Variants in PALB2 observed in about 807,000 individuals in gnomAD.
PALB2 encodes mutant partner and localizer of BRCA2.
Under a neutral mutation model 107.4 loss-of-function variants are expected in PALB2, and 82 were observed. The ratio of observed to expected loss-of-function variants is 0.76; its 90% CI spans 0.64 to 0.92. The LOEUF is 0.92. Ranked by LOEUF, PALB2 falls within the 40% of genes least tolerant of loss-of-function variation. The probability of loss-of-function intolerance (pLI) is 0.00; values close to 1 mark genes in which losing one functional copy is unlikely to be tolerated. For missense variants in PALB2, 1,374 were observed against 1,379.9 expected (o/e 1.00, Z 0.07); for synonymous variants, 489 against 496.8 (o/e 0.98, Z 0.21).
rs1289027047 is a variant in PALB2 at position 23,635,735 on chromosome 16, T to C, written c.811A>G (p.Ser271Gly). The change falls in exon 4 of 13, where the codon AGT becomes GGT. Residue 271 changes from serine to glycine, a missense_variant. Ser to Gly is a moderately conservative substitution (Grantham distance 56, BLOSUM62 0). Coordinates refer to ENST00000261584, the MANE Select transcript of PALB2 (RefSeq NM_024675.4). Reference protein sequence around the residue: ...HLEHIPPKGSSELTTHDLKNI... With the variant: ...HLEHIPPKGSGELTTHDLKNI... ...TTTAGGTCGTGAGTAGTAAGTTCAC[T>C]GCTACCTTTAGGAGGAATGTGTTCA... The C allele has an allele frequency of 6.2e-7, 1 of 1,614,218 alleles. No individual in the cohort carries two copies. Among genetic ancestry groups the C allele is most frequent in the South Asian group, 1.1e-5 (1 of 91,090 alleles).
chr16:23,629,947 G>A lies in PALB2; in HGVS notation c.2207C>T (p.Ala736Val), dbSNP rs746056001. Residue 736 changes from alanine to valine, a missense_variant, in exon 5 of 13, where the codon GCC (alanine) becomes GTC (valine). Transcript: ENST00000261584. ...TTCATAGGAGCCTTGAGGGCCAAAGGCTGGAGTAGTACCTAAGATGGGGAA... is the reference window on the plus strand; with the variant it reads ...TTCATAGGAGCCTTGAGGGCCAAAGACTGGAGTAGTACCTAAGATGGGGAA... ...PAFPILGTTP[A>V]FGPQGSYEKA... is the part of the protein sequence containing the mutation. The A allele has an allele frequency of 2.5e-6, 4 of 1,614,088 alleles. No homozygotes were observed. In the Admixed American group the frequency reaches 6.7e-5, roughly 27 times the overall value.
intron 10 of PALB2, among the ~76,000 whole-genome samples, chr16:23,614,386 C>T (rs1201616271): frequency 2.0e-5 from 3 of 152,112 alleles, no homozygotes; most frequent in Non-Finnish European, 4.4e-5. Context: ...TGAAATCAGG[C>T]ACATGGTATA....
At position 23,603,710 on chromosome 16, in the gene PALB2, C is replaced by T. The variant is rs372107434; in HGVS notation, c.3351-41G>A. 2.6e-4 allele frequency: 376 copies of T among 1,463,412 alleles called. 3 individuals are homozygous for T. The South Asian group carries it at 3.5e-3, about 14-fold the overall frequency. The allele number at this position is 1,463,412 out of a possible 1,614,324, so 90.7% of individuals were successfully genotyped here. On this transcript the variant is annotated intron_variant, in intron 12 of 12. Transcript: ENST00000261584. The stretch of plus-strand genomic sequence containing the variant: ...GAAGATATAATTCAGATTACATATC[C>T]AAAAAACAATTAAAAAAAAAAAAAA...
At position 23,611,125 on chromosome 16, in the gene PALB2, A is replaced by T. The variant is rs202101642; in HGVS notation, c.3201+2879T>A. 4.2e-3 allele frequency among the ~76,000 whole-genome samples: 496 copies of T among 117,582 alleles called. 5 individuals are homozygous for T. Among genetic ancestry groups the T allele is most frequent in the African/African-American group, 0.013 (424 of 31,772 alleles). 77.1% of individuals were successfully genotyped at this position (117,582 alleles called of 152,430 possible). On this transcript the variant is annotated intron_variant, in intron 11 of 12. Coordinates refer to ENST00000261584, the MANE Select transcript of PALB2 (RefSeq NM_024675.4). ...CTATCTATCTATCTATCTATCTATCAATCTATCTATTCGTTGTTGTTGTTG... is the reference window on the plus strand; with the variant it reads ...CTATCTATCTATCTATCTATCTATCTATCTATCTATTCGTTGTTGTTGTTG...
intron 4 of PALB2, among the ~76,000 whole-genome samples, chr16:23,633,834 G>A (rs1966917265): frequency 6.6e-6 from 1 of 152,022 alleles, no homozygotes; most frequent in Non-Finnish European, 1.5e-5. Context: ...CTCTCAAGTA[G>A]CTGAAACCAC....
At position 23,623,173 on chromosome 16, in the gene PALB2, C is replaced by T. The variant is rs770428723; in HGVS notation, c.2835-43G>A. 5 of 1,486,694 alleles carry T rather than the reference C, an allele frequency of 3.4e-6. 1 individual carries two copies. In the South Asian group the frequency reaches 5.7e-5, roughly 17 times the overall value. The allele number at this position is 1,486,694 out of a possible 1,614,324, so 92.1% of individuals were successfully genotyped here. A position where few individuals can be genotyped will look rare whatever the true frequency, so the allele number is the denominator to read the frequency against. ...AAAAATGGGGTGATGTGAGGAGTAA[C>T]CTTTTAATATTAAAGGACTAGGTTC... On this transcript the variant is annotated intron_variant, in intron 8 of 12. Transcript: ENST00000261584.
At chr16:23,607,139 G>T in intron 12 of PALB2, among the ~76,000 whole-genome samples, 1 of 152,178 alleles carries the variant, frequency 6.6e-6, no homozygotes, top group East Asian at 1.9e-4. Context: ...AATATAAACT[G>T]CCTGCATGAT....
At position 23,641,135 on chromosome 16, in the gene PALB2, G is replaced by T; in HGVS notation, c.23C>A (p.Pro8His). 1 of 1,613,460 alleles carries T rather than the reference G, an allele frequency of 6.2e-7. No individual in the cohort carries two copies. The highest frequency in any genetic ancestry group is 8.5e-7 in the Non-Finnish European group (1 of 1,179,872). MDEPPGK[P>H]LSCEEKEKLK... The stretch of plus-strand genomic sequence containing the variant: ...CTTTTCCTTCTCCTCACAGCTGAGG[G>T]GCTTCCCGGGAGGCTCGTCCATCGG... The change falls in exon 1 of 13, where the codon CCC (proline) becomes CAC (histidine). Residue 8 changes from proline (P) to histidine (H), a missense_variant. Pro to His is a moderately conservative substitution (Grantham distance 77). Transcript: ENST00000261584.
intron 12 of PALB2, among the ~76,000 whole-genome samples, chr16:23,605,049 G>C (rs1966443829): frequency 1.3e-5 from 2 of 152,116 alleles, no homozygotes; most frequent in Non-Finnish European, 2.9e-5. Flanking sequence ...ACTCCAGCCT[G>C]GGCAACAGAG....
Position 23,603,546 on chromosome 16 carries a change from A to C in PALB2, c.3474T>G (p.His1158Gln). The change falls in exon 13 of 13, where the codon CAT becomes CAG. Residue 1158 changes from histidine to glutamine, a missense_variant. Transcript: ENST00000261584. Reference sequence around the variant, plus strand: ...TACCCGACCATTTCACAAAAGACCAATGTTGGTCAGAGACAGGTGGGAGGA... The same window carrying C: ...TACCCGACCATTTCACAAAAGACCACTGTTGGTCAGAGACAGGTGGGAGGA... Reference protein sequence around the residue: ...TALLPPVSDQHWSFVKWSGTD... With the variant: ...TALLPPVSDQQWSFVKWSGTD... 2 of 1,614,130 alleles carry C rather than the reference A, an allele frequency of 1.2e-6. No homozygotes were observed.
intron 3 of PALB2, among the ~76,000 whole-genome samples, chr16:23,637,494 G>A (rs975672857): frequency 2.6e-5 from 4 of 152,070 alleles, no homozygotes; most frequent in Non-Finnish European, 4.4e-5. Context: ...TTTGAAGCCA[G>A]GGGTTCAAGA....
At position 23,624,090 on chromosome 16, in the gene PALB2, G is replaced by T. The variant is rs587780822; in HGVS notation, c.2753C>A (p.Pro918Gln). ...AGGCACTGGAACTATCTGTAATACTGGAACCTAAATAAAACAAAGCAGCCA... is the reference window on the plus strand; with the variant it reads ...AGGCACTGGAACTATCTGTAATACTTGAACCTAAATAAAACAAAGCAGCCA... The part of the protein sequence containing the change: ...KLYTWHFAEV[P>Q]VLQIVPVPDV... Residue 918 changes from proline to glutamine, a missense_variant, in exon 8 of 13, where the codon CCA (proline) becomes CAA (glutamine). Physicochemically the swap from Pro to Gln is moderately conservative, Grantham distance 76. Coordinates refer to ENST00000261584, the MANE Select transcript of PALB2 (RefSeq NM_024675.4). 5.6e-6 allele frequency: 9 copies of T among 1,603,710 alleles called. No homozygotes were observed. In the Admixed American group the frequency reaches 1.3e-4, roughly 24 times the overall value.
In PALB2 at chr16:23,626,330, G is replaced by A. The variant is rs2142355016; in HGVS notation, c.2654C>T (p.Pro885Leu). 1 of 1,614,112 alleles carries A rather than the reference G, an allele frequency of 6.2e-7. No homozygotes were observed. ...MFWERAGCKE[P>L]CIITACEDVV... ...ATCTTCGCAAGCAGTTATGATACAT[G>A]GCTCTTTACAACCGGCTCTTTCCCA... Residue 885 changes from proline to leucine, a missense_variant, in exon 7 of 13, where the codon CCA (proline) becomes CTA (leucine). Transcript: ENST00000261584.
At position 23,634,892 on chromosome 16, in the gene PALB2, G is replaced by A. The variant is rs2142409987; in HGVS notation, c.1654C>T (p.Gln552Ter). ...SKEEVTSHKY[Q>*]HEKLFIQVKG... ...ACTTGAATAAATAATTTTTCGTGCT[G>A]ATATTTGTGTGAGGTGACTTCTTCC... is the stretch of plus-strand genomic sequence containing the variant. The change falls in exon 4 of 13, where the codon CAG becomes TAG. Residue 552 changes from glutamine (Q) to a stop codon, truncating the protein, a stop_gained. Transcript: ENST00000261584. LOFTEE classifies it high-confidence loss of function. The A allele has an allele frequency of 6.2e-7, 1 of 1,614,054 alleles. No individual in the cohort carries two copies. Among genetic ancestry groups the A allele is most frequent in the Non-Finnish European group, 8.5e-7 (1 of 1,179,958 alleles).
At chr16:23,636,688 T>C (rs1254974387) in intron 3 of PALB2, among the ~76,000 whole-genome samples, 2 of 152,198 alleles carry the variant, frequency 1.3e-5, no homozygotes, top group African/African-American at 4.8e-5. Context: ...ACAAACAGCA[T>C]TGTGCTAAAA....
intron 9 of PALB2, among the ~76,000 whole-genome samples, chr16:23,621,934 A>T (rs1032229823): frequency 6.6e-6 from 1 of 152,092 alleles, no homozygotes; most frequent in Non-Finnish European, 1.5e-5. Flanking sequence ...GTCAATCACC[A>T]AGTCCCAGTA....
At chr16:23,614,989 A>C in intron 10 of PALB2, among the ~76,000 whole-genome samples, 1 of 117,874 alleles carries the variant, frequency 8.5e-6, no homozygotes, top group African/African-American at 3.4e-5. Flanking sequence ...TCGCTCTGTC[A>C]CCCAGGCTGA....
chr16:23,613,543 C>T (rs1011215039), intron 11 of PALB2, among the ~76,000 whole-genome samples: 3 of 151,858 alleles, frequency 2.0e-5, no homozygotes, highest in African/African-American at 7.3e-5. Flanking sequence ...ACTTGGAAGA[C>T]TGAGGCAGGA....
At position 23,622,982 on chromosome 16, in the gene PALB2, C is replaced by CA. The variant is rs180177127; in HGVS notation, c.2982dup (p.Ala995CysfsTer16). 1.9e-6 allele frequency: 3 copies of CA among 1,614,150 alleles called. No individual in the cohort carries two copies. The highest frequency in any genetic ancestry group is 2.5e-6 in the Non-Finnish European group (3 of 1,180,016). On this transcript the variant is annotated frameshift_variant, in exon 9 of 13. Coordinates refer to ENST00000261584, the MANE Select transcript of PALB2 (RefSeq NM_024675.4). LOFTEE classifies it high-confidence loss of function. Reference sequence around the variant, plus strand: ...TGCTTTTCTTACCCTCCATCTTCTGCAAACGTCATGACTTCTACTTGTTGA... The same window carrying CA: ...TGCTTTTCTTACCCTCCATCTTCTGCAAAACGTCATGACTTCTACTTGTTGA...
Sources: gnomAD v4.1 joint callset for allele counts (sites outside exome capture counted in the v4.1 genomes callset) on GRCh38, gnomAD v4.1.1 for gene constraint, MANE v1.5 for transcripts, NCBI Gene and HGNC (gene_info 2026-07-23, HGNC 2026-07-21) for gene names.